The following TOGARAM2 variants were observed in gnomAD, a reference collection of about 807,000 sequenced individuals.
The protein encoded by TOGARAM2 is TOG array regulator of axonemal microtubules protein 2.
A neutral mutation model predicts 93.3 loss-of-function variants in TOGARAM2; 85 were observed. The observed-to-expected ratio is 0.91, with a 90% CI of 0.76 to 1.09. TOGARAM2 has a LOEUF of 1.09. Among genes scored for constraint, TOGARAM2 ranks in the 50% least tolerant of loss-of-function variants. The pLI, the probability that TOGARAM2 is intolerant of heterozygous loss-of-function variation, is 0.00. For missense variants in TOGARAM2, 1,277 were observed against 1,334.5 expected, an observed-to-expected ratio of 0.96 and a Z score of 0.67; for synonymous variants, 593 against 552.8, an observed-to-expected ratio of 1.07 and a Z score of -1.02.
rs1188887695 is a variant in TOGARAM2, at chr2:28,994,758, C to A, written c.-77C>A. 13 of 1,483,324 alleles carry A rather than the reference C, an allele frequency of 8.8e-6. No individual in the cohort carries two copies. Among genetic ancestry groups the A allele is most frequent in the Non-Finnish European group, 1.2e-5 (13 of 1,085,640 alleles). 91.9% of individuals were successfully genotyped at this position (1,483,324 alleles called of 1,614,324 possible). A position where few individuals can be genotyped will look rare whatever the true frequency, so the allele number is the denominator to read the frequency against. ...TGTTACAGGTCAGAGCCCTCCAGAC[C>A]CCCAAGGACTGTACTCACTGCCCAG... On this transcript the variant is annotated 5_prime_UTR_variant, in exon 2 of 20. Transcript: ENST00000379558.
rs960296598 is a variant in TOGARAM2 at position 29,003,596 on chromosome 2, G to A, written c.744G>A (p.Ala248=). The change falls in exon 6 of 20, where the codon GCG becomes GCA. Residue 248 remains alanine, a synonymous_variant. Transcript: ENST00000379558. ...PPIPKARTVA[A]TPSRVPGSLP... ...TCCCAAAGGCCAGGACGGTTGCAGC[G>A]ACCCCCTCCCGTGTGCCTGGCTCCC... 1.3e-5 allele frequency: 20 copies of A among 1,594,428 alleles called. 1 individual carries two copies. The highest frequency in any genetic ancestry group is 4.7e-5 in the East Asian group (2 of 42,878).
intron 2 of TOGARAM2, 59 bp downstream of exon 2, chr2:28,994,921 G>A (rs1572652414): frequency 9.1e-6 from 14 of 1,543,160 alleles, no homozygotes; most frequent in South Asian, 2.4e-5. Flanking sequence ...GACCTGCCTC[G>A]GACACTCCCA....
intron 1 of TOGARAM2, among the ~76,000 whole-genome samples, chr2:28,974,608 ATTTC>A (rs955537761): frequency 6.6e-6 from 1 of 150,964 alleles, no homozygotes; most frequent in Non-Finnish European, 1.5e-5. Flanking sequence ...GGCTCTGTTC[ATTTC>A]TTTTTTATTT....
At chr2:29,030,723 C>A (rs1665719632) in intron 14 of TOGARAM2, among the ~76,000 whole-genome samples, 1 of 152,168 alleles carries the variant, frequency 6.6e-6, no homozygotes, top group Non-Finnish European at 1.5e-5. Context: ...AGTGTAGGTG[C>A]TGCCAAGGTG....
intron 6 of TOGARAM2, 115 bp from the exon 7 acceptor site, chr2:29,011,340 C>T (rs907033373): frequency 1.2e-6 from 1 of 809,000 alleles, no homozygotes; most frequent in Non-Finnish European, 2.0e-6. Flanking sequence ...ACAGTGCCGT[C>T]CCCTCTGTCC....
At chr2:29,021,177 G>C (rs1366612128) in intron 10 of TOGARAM2, among the ~76,000 whole-genome samples, 1 of 152,216 alleles carries the variant, frequency 6.6e-6, no homozygotes, top group Non-Finnish European at 1.5e-5. Context: ...GCCTCCCAAA[G>C]TGCTGGGATT....
intron 1 of TOGARAM2, among the ~76,000 whole-genome samples, chr2:28,983,996 G>A (rs1672347703): frequency 2.0e-5 from 3 of 151,892 alleles, no homozygotes; most frequent in Middle Eastern, 6.8e-3. Flanking sequence ...GCCCCTCATG[G>A]TGCTCAGGCT....
At chr2:28,979,849 C>T (rs1009830064), upstream of TOGARAM2, among the ~76,000 whole-genome samples, 2 of 152,186 alleles carry the variant, frequency 1.3e-5, no homozygotes, top group Admixed American at 1.3e-4. Context: ...GAAGCTCCGA[C>T]TCAAGCAGCG....
intron 4 of TOGARAM2, among the ~76,000 whole-genome samples, chr2:29,000,035 G>A (rs1408490269): frequency 1.3e-5 from 2 of 151,010 alleles, no homozygotes; most frequent in African/African-American, 4.9e-5. Flanking sequence ...AGGCCTCCTT[G>A]ACTCCCCAAT....
intron 13 of TOGARAM2, among the ~76,000 whole-genome samples, chr2:29,025,337 C>G (rs1236884470): frequency 3.9e-5 from 6 of 152,192 alleles, no homozygotes; most frequent in African/African-American, 7.2e-5. Context: ...CTGCCCATTC[C>G]TGACATTCAC....
intron 1 of TOGARAM2, among the ~76,000 whole-genome samples, chr2:28,973,050 T>C (rs56158184): frequency 0.081 from 12,389 of 152,230 alleles, 550 homozygotes; most frequent in East Asian, 0.11. Context: ...AGTCCTCTTT[T>C]TGTCTTCGCT....
Position 29,033,021 on chromosome 2 carries a change from G to A in TOGARAM2, c.2100G>A (p.Leu700=). The change falls in exon 15 of 20, where the codon TTG becomes TTA. Residue 700 remains leucine, a synonymous_variant. Transcript: ENST00000379558. The part of the protein sequence containing the change: ...FLKQSLPSYD[L]QKVMAAIKQQ... The stretch of plus-strand genomic sequence containing the variant: ...AGCAATCTCTCCCATCTTACGACTT[G>A]CAGAAGGTCATGGCGGCCATTAAAC... 6.2e-7 allele frequency: 1 copy of A among 1,613,826 alleles called. No individual in the cohort carries two copies. Among genetic ancestry groups the A allele is most frequent in the Non-Finnish European group, 8.5e-7 (1 of 1,179,844 alleles).
At chr2:28,960,149 A>G (rs1671783126) in intron 1 of TOGARAM2, among the ~76,000 whole-genome samples, 1 of 152,206 alleles carries the variant, frequency 6.6e-6, no homozygotes, top group African/African-American at 2.4e-5. Context: ...GTCCATGACT[A>G]TATTTGGCTA....
At chr2:29,048,913 G>A (rs1026070844) in intron 19 of TOGARAM2, 4 of 146,648 alleles carry the variant, frequency 2.7e-5, no homozygotes, top group East Asian at 2.0e-4. Context: ...GTAGTGGCGC[G>A]ATCTCAGCTC....
chr2:29,045,524 C>T (rs1475013817), intron 19 of TOGARAM2, 114 bp downstream of exon 19: 2 of 902,160 alleles, frequency 2.2e-6, no homozygotes, highest in African/African-American at 3.3e-5. Flanking sequence ...CCCCCCCAAT[C>T]ATTTAAAATT....
At chr2:29,034,953 C>T (rs758732712) in intron 16 of TOGARAM2, among the ~76,000 whole-genome samples, 12 of 151,966 alleles carry the variant, frequency 7.9e-5, no homozygotes, top group Non-Finnish European at 1.6e-4. Context: ...AGTTTGAGAC[C>T]GGCCTGGCCA....
At chr2:29,010,714 C>A (rs1268693587) in intron 6 of TOGARAM2, among the ~76,000 whole-genome samples, 1 of 151,824 alleles carries the variant, frequency 6.6e-6, no homozygotes, top group Non-Finnish European at 1.5e-5. Context: ...TCCATGGGAA[C>A]CTGAGCTCCC....
At chr2:29,011,559 G>A in intron 7 of TOGARAM2, 58 bp downstream of exon 7, 1 of 1,510,420 alleles carries the variant, frequency 6.6e-7, no homozygotes, top group African/African-American at 1.4e-5. Flanking sequence ...TTCCTGGGCT[G>A]GGTCAGGGAA....
At chr2:28,975,765 C>T (rs1282931417) in intron 1 of TOGARAM2, among the ~76,000 whole-genome samples, 1 of 151,860 alleles carries the variant, frequency 6.6e-6, no homozygotes, top group Non-Finnish European at 1.5e-5. Flanking sequence ...GGGCATTTAT[C>T]CTGTTTAGGT....
Sources: gnomAD v4.1 joint callset for allele counts (sites outside exome capture counted in the v4.1 genomes callset) on GRCh38, gnomAD v4.1.1 for gene constraint, MANE v1.5 for transcripts, NCBI Gene and HGNC (gene_info 2026-07-23, HGNC 2026-07-21) for gene names.